The following TUBGCP2 variants were observed in gnomAD, a reference collection of about 807,000 sequenced individuals.
The protein encoded by TUBGCP2 is gamma-tubulin complex component 2.
TUBGCP2 carries 55 observed loss-of-function variants against 92.2 expected under a neutral mutation model. The ratio of observed to expected loss-of-function variants is 0.60; its 90% CI spans 0.48 to 0.75. TUBGCP2 has a LOEUF of 0.75. Among genes scored for constraint, TUBGCP2 ranks in the 30% least tolerant of loss-of-function variants. The pLI is 0.00. For missense variants in TUBGCP2, 1,093 were observed against 1,188.9 expected (o/e 0.92, Z 1.19); for synonymous variants, 533 against 505.2 (o/e 1.06, Z -0.74).
intron 2 of TUBGCP2, among the ~76,000 whole-genome samples, chr10:133,301,274 C>T (rs905516776): frequency 1.2e-4 from 19 of 152,064 alleles, no homozygotes; most frequent in African/African-American, 3.6e-4. Context: ...ATTACTGGCA[C>T]GCACCACCAC....
intron 1 of TUBGCP2, among the ~76,000 whole-genome samples, chr10:133,304,971 T>C (rs1479189003): frequency 6.6e-6 from 1 of 152,040 alleles, no homozygotes; most frequent in Non-Finnish European, 1.5e-5. Flanking sequence ...CTAGCGGTAG[T>C]GTCAGTGTCA....
At chr10:133,289,343 G>A (rs1847213613) in intron 9 of TUBGCP2, among the ~76,000 whole-genome samples, 1 of 152,224 alleles carries the variant, frequency 6.6e-6, no homozygotes, top group Admixed American at 6.5e-5. Context: ...CAGGCATTAT[G>A]AGAACCGGAT....
At chr10:133,284,715 C>A (rs1369202262) in intron 13 of TUBGCP2, among the ~76,000 whole-genome samples, 5 of 152,122 alleles carry the variant, frequency 3.3e-5, no homozygotes, top group Admixed American at 6.5e-5. Context: ...ACCCTAGAGG[C>A]ACAGACCGGC....
At chr10:133,303,487 C>T (rs1488352706) in intron 1 of TUBGCP2, among the ~76,000 whole-genome samples, 1 of 152,252 alleles carries the variant, frequency 6.6e-6, no homozygotes, top group African/African-American at 2.4e-5. Context: ...GAATGCTCTG[C>T]TGCTCGCCTC....
chr10:133,290,054 G>A, intron 8 of TUBGCP2, 85 bp from the exon 9 acceptor site: 2 of 1,554,252 alleles, frequency 1.3e-6, no homozygotes, highest in Non-Finnish European at 1.8e-6. Context: ...CAGCGCGCAG[G>A]GACATTAACA....
At chr10:133,311,210 C>T (rs572486582), upstream of TUBGCP2, among the ~76,000 whole-genome samples, 1 of 152,274 alleles carries the variant, frequency 6.6e-6, no homozygotes, top group Admixed American at 6.5e-5. Context: ...TCTACATTTT[C>T]TCAAGTAGTA....
intron 2 of TUBGCP2, chr10:133,300,320 A>C (rs530522711): frequency 1.1e-3 from 592 of 554,692 alleles, no homozygotes; most frequent in Non-Finnish European, 1.5e-3. Flanking sequence ...TCATGACTGT[A>C]ATCCCAGCAC....
chr10:133,310,163 G>T, upstream of TUBGCP2: 1 of 1,613,900 alleles, frequency 6.2e-7, no homozygotes, highest in Non-Finnish European at 8.5e-7. Context: ...CTCCATTTCA[G>T]TATCAGTGCT....
chr10:133,288,288 G>A lies in TUBGCP2; in HGVS notation c.1563C>T (p.Leu521=). 7 of 1,613,512 alleles carry A rather than the reference G, an allele frequency of 4.3e-6. No homozygotes were observed. The South Asian group carries it at 4.4e-5, about 10-fold the overall frequency. The change falls in exon 11 of 18, where the codon CTC becomes CTT. Residue 521 remains leucine (L), a synonymous_variant. Transcript: ENST00000252936. ...GCACGAAGAAGTCGCCCTGGTCCATGAGGAAGTAGCGCTTGATGGACCTGC... is the reference window on the plus strand; with the variant it reads ...GCACGAAGAAGTCGCCCTGGTCCATAAGGAAGTAGCGCTTGATGGACCTGC... The part of the protein sequence containing the change: ...AHLRSIKRYF[L]MDQGDFFVHF...
intron 14 of TUBGCP2, 92 bp downstream of exon 14, chr10:133,283,790 C>G (rs1238201305): frequency 1.9e-6 from 3 of 1,564,004 alleles, no homozygotes; most frequent in African/African-American, 1.4e-5. Context: ...CACTCCCTGC[C>G]TCTCCCCTCG....
At chr10:133,283,848 T>G (rs776182781) in intron 14 of TUBGCP2, 34 bp downstream of exon 14, 1 of 1,609,836 alleles carries the variant, frequency 6.2e-7, no homozygotes, top group South Asian at 1.1e-5. Flanking sequence ...GAAAGTGGCT[T>G]TCAAACGTTA....
rs746099417 is a variant in TUBGCP2, at chr10:133,279,853, T to C, written c.2622A>G (p.Ala874=). ...FYTERLERLS[A]ERSQKATPQV... is the part of the protein sequence containing the mutation. ...GGGGGGTGGCCTTCTGGCTCCTCTCTGCAGACAGGCGCTCCAGGCGCTCCG... is the reference window on the plus strand; with the variant it reads ...GGGGGGTGGCCTTCTGGCTCCTCTCCGCAGACAGGCGCTCCAGGCGCTCCG... The change falls in exon 18 of 18, where the codon GCA becomes GCG. Residue 874 remains alanine (A), a synonymous_variant. Coordinates refer to ENST00000252936, the MANE Select transcript of TUBGCP2 (RefSeq NM_006659.4). 1.9e-5 allele frequency: 30 copies of C among 1,605,874 alleles called. No individual in the cohort carries two copies. The highest frequency in any genetic ancestry group is 2.5e-5 in the Non-Finnish European group (29 of 1,177,052).
intron 2 of TUBGCP2, among the ~76,000 whole-genome samples, chr10:133,300,938 GT>G (rs1847634728): frequency 7.2e-6 from 1 of 139,302 alleles, no homozygotes; most frequent in African/African-American, 3.2e-5. Context: ...TGCGTTCATT[GT>G]ATGCATCTCA....
upstream of TUBGCP2, chr10:133,308,985 G>A: frequency 1.6e-6 from 2 of 1,246,398 alleles, no homozygotes; most frequent in Non-Finnish European, 2.0e-6. Context: ...TCGCTGCGGG[G>A]CCCGGGGCGG....
chr10:133,309,577 G>T (rs886218649), upstream of TUBGCP2: 4 of 1,335,114 alleles, frequency 3.0e-6, no homozygotes, highest in African/African-American at 5.8e-5. Flanking sequence ...CCACCGAGGC[G>T]CTGTGCCTGT....
At chr10:133,292,738 C>T (rs755166333) in intron 7 of TUBGCP2, 50 bp from the exon 8 acceptor site, 3 of 1,564,840 alleles carry the variant, frequency 1.9e-6, no homozygotes, top group South Asian at 2.3e-5. Context: ...GCACGCCCAG[C>T]CTCTGCCAAC....
At chr10:133,307,939 G>T (rs1432378968) in intron 1 of TUBGCP2, among the ~76,000 whole-genome samples, 5 of 152,154 alleles carry the variant, frequency 3.3e-5, no homozygotes, top group Non-Finnish European at 5.9e-5. Context: ...AGATATTTGT[G>T]TATCTAAACA....
Position 133,285,597 on chromosome 10 carries a change from T to A in TUBGCP2, c.1754A>T (p.Gln585Leu). 6.5e-7 allele frequency: 1 copy of A among 1,538,866 alleles called. No homozygotes were observed. The highest frequency in any genetic ancestry group is 1.3e-5 in the South Asian group (1 of 78,960). Residue 585 changes from glutamine (Q) to leucine (L), a missense_variant, in exon 12 of 18, where the codon CAG becomes CTG. Around this residue, in one of 3 missense-constraint regions of TUBGCP2, gnomAD observed 598 missense variants for 675.5 expected, o/e 0.89. Coordinates refer to ENST00000252936, the MANE Select transcript of TUBGCP2 (RefSeq NM_006659.4). This position sits in a 1 kb window ranked among gnomAD's most constrained non-coding sequence, Gnocchi z 6.8. The stretch of plus-strand genomic sequence containing the variant: ...CTCGATGGCCAGGACGCGCAAGAGC[T>A]GAGTGATGAGGTCATGGGGCATCAG... The part of the protein sequence containing the change: ...IDLMPHDLIT[Q>L]LLRVLAIETK...
At chr10:133,282,788 GAA>G (rs1847016895) in intron 15 of TUBGCP2, among the ~76,000 whole-genome samples, 1 of 152,168 alleles carries the variant, frequency 6.6e-6, no homozygotes, top group Non-Finnish European at 1.5e-5. Flanking sequence ...AAGTGCTGAG[GAA>G]AAGAGCATGC....
Sources: allele counts gnomAD v4.1 joint callset (sites outside exome capture counted in the v4.1 genomes callset), GRCh38; gene constraint gnomAD v4.1.1; regional missense constraint gnomAD v4.1.1; non-coding constraint Gnocchi (gnomAD v3.1); transcripts MANE v1.5; gene names NCBI Gene and HGNC (gene_info 2026-07-23, HGNC 2026-07-21).